Variants in CA10 observed in about 807,000 individuals in gnomAD.
The protein encoded by CA10 is carbonic anhydrase 10 (inactive).
In CA10, 14 loss-of-function variants were observed where a neutral mutation model predicts 44.2. The observed-to-expected ratio is 0.32, with a 90% CI of 0.21 to 0.50. The LOEUF is 0.50. CA10 is among the 20% of genes least tolerant of loss of function. CA10 has a pLI of 0.99. For missense variants in CA10, 350 were observed against 409.7 expected (o/e 0.85, Z 1.26); for synonymous variants, 159 against 141.6 (o/e 1.12, Z -0.87).
intron 4 of CA10, among the ~76,000 whole-genome samples, chr17:51,665,446 G>A (rs1478438911): frequency 6.6e-6 from 1 of 152,116 alleles, no homozygotes; most frequent in African/African-American, 2.4e-5. Flanking sequence ...TAAGGACAGG[G>A]TTTTGTCATT....
chr17:51,676,506 G>T (rs944384309), intron 4 of CA10, among the ~76,000 whole-genome samples: 5 of 152,192 alleles, frequency 3.3e-5, no homozygotes, highest in Non-Finnish European at 7.3e-5. Flanking sequence ...ATTTCTGGGG[G>T]TGAGGCCCAG....
chr17:51,922,744 C>G (rs1246884453), intron 3 of CA10, among the ~76,000 whole-genome samples: 1 of 152,168 alleles, frequency 6.6e-6, no homozygotes, highest in Non-Finnish European at 1.5e-5. Context: ...GAGATCACAT[C>G]AATTTTAATC....
At position 52,108,164 on chromosome 17, in the gene CA10, ATTTTTAATATATTTTTATATATATATT is replaced by A. The variant is rs1007066102; in HGVS notation, c.62-35798_62-35772del. Among the ~76,000 whole-genome samples the A allele has an allele frequency of 2.8e-5, 4 of 144,766 alleles. No individual in the cohort carries two copies. The Admixed American group carries it at 2.8e-4, about 10-fold the overall frequency. The allele number at this position is 144,766 out of a possible 152,430, so 95.0% of individuals were successfully genotyped here. A position where few individuals can be genotyped will look rare whatever the true frequency, so the allele number is the denominator to read the frequency against. On this transcript the variant is annotated intron_variant, in intron 1 of 8. Coordinates refer to ENST00000451037, the MANE Select transcript of CA10 (RefSeq NM_020178.5). Reference sequence around the variant, plus strand: ...AAATCAATATTAGGTGTATATATATATTTTTAATATATTTTTATATATATATTTTTTATATATATATATATATATATA... The same window carrying A: ...AAATCAATATTAGGTGTATATATATATTTTATATATATATATATATATATA...
intron 1 of CA10, among the ~76,000 whole-genome samples, chr17:52,137,001 T>A (rs1010073631): frequency 6.6e-6 from 1 of 152,176 alleles, no homozygotes; most frequent in African/African-American, 2.4e-5. Flanking sequence ...TAAAAATTAG[T>A]CAACTTGGAA....
chr17:51,991,600 G>A (rs999535762), intron 2 of CA10, among the ~76,000 whole-genome samples: 2 of 151,928 alleles, frequency 1.3e-5, no homozygotes, highest in African/African-American at 4.8e-5. Context: ...ACCAGAGGTC[G>A]GGAGTTTGAG....
intron 4 of CA10, among the ~76,000 whole-genome samples, chr17:51,691,546 C>G (rs908119507): frequency 6.6e-6 from 1 of 152,142 alleles, no homozygotes; most frequent in Non-Finnish European, 1.5e-5. Flanking sequence ...TTGATAATTT[C>G]CTTGGCTGCA....
chr17:52,041,328 A>C (rs966197480), intron 2 of CA10, among the ~76,000 whole-genome samples: 1 of 152,148 alleles, frequency 6.6e-6, no homozygotes, highest in Non-Finnish European at 1.5e-5. Context: ...TGATACAATT[A>C]GAAGACAGAA....
At chr17:52,126,372 C>G (rs559991148) in intron 1 of CA10, among the ~76,000 whole-genome samples, 3 of 152,006 alleles carry the variant, frequency 2.0e-5, no homozygotes, top group African/African-American at 7.3e-5. Context: ...TTGCCCTTTC[C>G]AAGAGCCAAC....
intron 3 of CA10, among the ~76,000 whole-genome samples, chr17:51,891,230 G>A (rs1425420571): frequency 6.6e-6 from 1 of 152,154 alleles, no homozygotes; most frequent in African/African-American, 2.4e-5. Context: ...GTGATTGGGA[G>A]GGGTTGTTGG....
intron 4 of CA10, among the ~76,000 whole-genome samples, chr17:51,738,244 T>A (rs1488097273): frequency 1.3e-5 from 2 of 152,252 alleles, no homozygotes; most frequent in African/African-American, 2.4e-5. Flanking sequence ...AGTTTATCGA[T>A]ATGTCAGTGC....
At chr17:51,812,895 A>C (rs1007501252) in intron 3 of CA10, among the ~76,000 whole-genome samples, 1 of 152,216 alleles carries the variant, frequency 6.6e-6, no homozygotes, top group Admixed American at 6.5e-5. Context: ...GGACCTGCTT[A>C]ACCATCTCCC....
intron 2 of CA10, among the ~76,000 whole-genome samples, chr17:51,998,582 C>A (rs1245477107): frequency 6.6e-6 from 1 of 152,028 alleles, no homozygotes; most frequent in Non-Finnish European, 1.5e-5. Flanking sequence ...GGCAGTACCC[C>A]TTTTCACTGT....
chr17:51,925,361 T>G (rs1019870399), intron 3 of CA10, among the ~76,000 whole-genome samples: 1 of 151,554 alleles, frequency 6.6e-6, no homozygotes, highest in African/African-American at 2.4e-5. Flanking sequence ...ATTAGGGAAA[T>G]GTAAATCAAA....
intron 2 of CA10, among the ~76,000 whole-genome samples, chr17:51,964,284 A>G (rs1018405417): frequency 1.3e-5 from 2 of 152,142 alleles, no homozygotes; most frequent in African/African-American, 2.4e-5. Context: ...AGAACTGTAG[A>G]AAAAACTTAC....
chr17:52,144,781 CT>C, intron 1 of CA10, among the ~76,000 whole-genome samples: 1 of 152,242 alleles, frequency 6.6e-6, no homozygotes, highest in South Asian at 2.1e-4. Flanking sequence ...CTCAACGTGT[CT>C]TTTATTCTTT....
intron 4 of CA10, among the ~76,000 whole-genome samples, chr17:51,701,685 T>C (rs1022173449): frequency 6.6e-6 from 1 of 152,184 alleles, no homozygotes; most frequent in Non-Finnish European, 1.5e-5. Context: ...TATTCACCCA[T>C]GTTTGGTAAC....
intron 2 of CA10, among the ~76,000 whole-genome samples, chr17:52,046,123 T>C (rs1172632922): frequency 6.6e-5 from 10 of 151,530 alleles, no homozygotes. Context: ...TATTAAAAAA[T>C]AATGCATGCA....
chr17:51,743,852 A>C (rs1350675054), intron 4 of CA10, among the ~76,000 whole-genome samples: 2 of 152,228 alleles, frequency 1.3e-5, no homozygotes, highest in Non-Finnish European at 2.9e-5. Flanking sequence ...GCACAAAATA[A>C]AAATTAAGTT....
At chr17:51,992,497 A>T (rs779975309) in intron 2 of CA10, among the ~76,000 whole-genome samples, 2 of 152,180 alleles carry the variant, frequency 1.3e-5, no homozygotes, top group African/African-American at 4.8e-5. Context: ...AAGTAAATAC[A>T]TGCTGTAAAG....
Sources: gnomAD v4.1 joint callset for allele counts (sites outside exome capture counted in the v4.1 genomes callset) on GRCh38, gnomAD v4.1.1 for gene constraint, MANE v1.5 for transcripts, NCBI Gene and HGNC (gene_info 2026-07-23, HGNC 2026-07-21) for gene names.